The following NYAP2 variants were observed in gnomAD, a reference collection of about 807,000 sequenced individuals.
NYAP2 encodes neuronal tyrosine-phosphorylated phosphoinositide-3-kinase adapter 2.
In NYAP2, 23 loss-of-function variants were observed where a neutral mutation model predicts 50.4. The ratio of observed to expected loss-of-function variants is 0.46; its 90% CI spans 0.33 to 0.65. NYAP2 has a LOEUF of 0.65. Ranked by LOEUF, NYAP2 falls within the 30% of genes least tolerant of loss-of-function variation. NYAP2 has a pLI of 0.02. For missense variants in NYAP2, 885 were observed against 861.0 expected, an observed-to-expected ratio of 1.03 and a Z score of -0.35; for synonymous variants, 394 against 365.2, an observed-to-expected ratio of 1.08 and a Z score of -0.90.
intron 4 of NYAP2, among the ~76,000 whole-genome samples, chr2:225,546,018 C>T (rs1691574961): frequency 6.6e-6 from 1 of 152,178 alleles, no homozygotes; most frequent in African/African-American, 2.4e-5. Context: ...TCTTTCCTTA[C>T]TTTCTCTCAA....
At chr2:225,485,210 G>A (rs1339672552) in intron 3 of NYAP2, among the ~76,000 whole-genome samples, 1 of 152,138 alleles carries the variant, frequency 6.6e-6, no homozygotes. Context: ...GAGTTCCCCT[G>A]CACAAGCTCT....
intron 4 of NYAP2, among the ~76,000 whole-genome samples, chr2:225,573,491 C>G (rs879498052): frequency 6.6e-6 from 1 of 152,002 alleles, no homozygotes; most frequent in Non-Finnish European, 1.5e-5. Context: ...ACCTTGTGAT[C>G]CACCTGCCTC....
At chr2:225,443,365 C>T (rs907758724) in intron 3 of NYAP2, among the ~76,000 whole-genome samples, 5 of 152,118 alleles carry the variant, frequency 3.3e-5, no homozygotes, top group Admixed American at 3.3e-4. Flanking sequence ...ACACGAGTTC[C>T]TCTTCTTCCT....
At chr2:225,521,980 A>C (rs1691067989) in intron 4 of NYAP2, among the ~76,000 whole-genome samples, 1 of 152,072 alleles carries the variant, frequency 6.6e-6, no homozygotes, top group Non-Finnish European at 1.5e-5. Flanking sequence ...CAGAGATTCA[A>C]ATTCTTCCTG....
At chr2:225,480,511 A>G (rs1256005674) in intron 3 of NYAP2, among the ~76,000 whole-genome samples, 2 of 152,162 alleles carry the variant, frequency 1.3e-5, no homozygotes, top group Non-Finnish European at 2.9e-5. Flanking sequence ...CAAAATGGAC[A>G]TGCCGAGGAA....
chr2:225,557,408 T>C (rs2106213563), intron 4 of NYAP2, among the ~76,000 whole-genome samples: 1 of 152,308 alleles, frequency 6.6e-6, no homozygotes, highest in Non-Finnish European at 1.5e-5. Context: ...GCTTTTATTT[T>C]ATTTTTTATG....
Position 225,518,582 on chromosome 2 carries a change from TTATATA to T in NYAP2, c.523+4928_523+4933del, listed in dbSNP as rs375598039. Among the ~76,000 whole-genome samples the T allele has an allele frequency of 6.3e-3, 450 of 71,684 alleles. 14 individuals are homozygous for T. Among genetic ancestry groups the T allele is most frequent in the Admixed American group, 0.018 (117 of 6,356 alleles). The allele number at this position is 71,684 out of a possible 152,430, so 47.0% of individuals were successfully genotyped here. A position where few individuals can be genotyped will look rare whatever the true frequency, so the allele number is the denominator to read the frequency against. On this transcript the variant is annotated intron_variant, in intron 4 of 6. Coordinates refer to ENST00000636099, the Ensembl canonical transcript of NYAP2. Reference sequence around the variant, plus strand: ...TATATATATATATTAGCGTGTGCGCTTATATATATATATATATATATATTAGCTTGT... The same window carrying T: ...TATATATATATATTAGCGTGTGCGCTTATATATATATATATATTAGCTTGT...
chr2:225,498,571 CT>C lies in NYAP2; in HGVS notation c.222-14787del, dbSNP rs35287009. 9.1e-3 allele frequency among the ~76,000 whole-genome samples: 1,325 copies of C among 146,214 alleles called. 15 individuals are homozygous for C. Among genetic ancestry groups the C allele is most frequent in the African/African-American group, 0.026 (1,041 of 40,040 alleles). On this transcript the variant is annotated intron_variant, in intron 3 of 6. Coordinates refer to ENST00000636099, the Ensembl canonical transcript of NYAP2. ...ATGTGATCCCATTTATTTTTTAGGA[CT>C]TTTTTTTTTTTTAGGTCAATGAATG...
intron 6 of NYAP2, among the ~76,000 whole-genome samples, chr2:225,636,985 T>C (rs1693430469): frequency 6.6e-6 from 1 of 152,204 alleles, no homozygotes; most frequent in Non-Finnish European, 1.5e-5. Flanking sequence ...AGTGTCATTT[T>C]AAGACACTGA....
chr2:225,543,817 T>C (rs1361307531), intron 4 of NYAP2, among the ~76,000 whole-genome samples: 1 of 152,084 alleles, frequency 6.6e-6, no homozygotes, highest in Non-Finnish European at 1.5e-5. Context: ...TTTGTTGACT[T>C]TCCGTCTGGG....
At chr2:225,574,327 C>T (rs952669552) in intron 4 of NYAP2, among the ~76,000 whole-genome samples, 3 of 152,168 alleles carry the variant, frequency 2.0e-5, no homozygotes, top group Non-Finnish European at 4.4e-5. Flanking sequence ...ATAGAAGTCA[C>T]TGGTTCGCAG....
At chr2:225,693,916 G>A in the NYAP2 span, among the ~76,000 whole-genome samples, 1 of 152,038 alleles carries the variant, frequency 6.6e-6, no homozygotes, top group East Asian at 1.9e-4. Flanking sequence ...CCACAAAAAA[G>A]GGGTGGAGAT....
intron 3 of NYAP2, among the ~76,000 whole-genome samples, chr2:225,503,023 G>A (rs1386603777): frequency 6.6e-6 from 1 of 152,064 alleles, no homozygotes; most frequent in African/African-American, 2.4e-5. Context: ...ACTTTAAACT[G>A]GCATTAAGTT....
chr2:225,678,023 A>G, the NYAP2 span, among the ~76,000 whole-genome samples: 1 of 152,042 alleles, frequency 6.6e-6, no homozygotes, highest in Non-Finnish European at 1.5e-5. Flanking sequence ...GATAGAATCT[A>G]CCTATGAGTC....
At chr2:225,686,504 A>G in the NYAP2 span, among the ~76,000 whole-genome samples, 2 of 152,184 alleles carry the variant, frequency 1.3e-5, no homozygotes, top group African/African-American at 4.8e-5. Flanking sequence ...TTGTGAATAT[A>G]CTTACAGAAG....
At chr2:225,590,780 G>A (rs979151845) in intron 5 of NYAP2, among the ~76,000 whole-genome samples, 2 of 152,186 alleles carry the variant, frequency 1.3e-5, no homozygotes, top group African/African-American at 2.4e-5. Context: ...TCAGGGTAAC[G>A]TAGATTCAAA....
At chr2:225,414,362 C>G (rs1695090899) in intron 3 of NYAP2, among the ~76,000 whole-genome samples, 1 of 152,154 alleles carries the variant, frequency 6.6e-6, no homozygotes, top group Non-Finnish European at 1.5e-5. Flanking sequence ...TTTAGTAGCT[C>G]ATCTTTTCTG....
chr2:225,438,102 GAGT>G (rs1373242749), intron 3 of NYAP2, among the ~76,000 whole-genome samples: 1 of 152,112 alleles, frequency 6.6e-6, no homozygotes, highest in Non-Finnish European at 1.5e-5. Context: ...GTTAGATGTT[GAGT>G]ATGTTCCTAA....
chr2:225,451,765 T>A (rs752818265), intron 3 of NYAP2, among the ~76,000 whole-genome samples: 1 of 152,244 alleles, frequency 6.6e-6, no homozygotes, highest in African/African-American at 2.4e-5. Context: ...AGCTCTGTTA[T>A]ATGGTAGGCT....
Sources: allele counts gnomAD v4.1 joint callset (sites outside exome capture counted in the v4.1 genomes callset), GRCh38; gene constraint gnomAD v4.1.1; transcripts MANE v1.5; gene names NCBI Gene and HGNC (gene_info 2026-07-23, HGNC 2026-07-21).